CCDC39: variants seen among roughly 807,000 people sequenced by gnomAD.
CCDC39 encodes the protein coiled-coil domain-containing protein 39.
Under a neutral mutation model 121.0 loss-of-function variants are expected in CCDC39, and 113 were observed. The observed-to-expected ratio is 0.93, with a 90% confidence interval of 0.80 to 1.09. The LOEUF (loss-of-function observed/expected upper bound fraction) is 1.09, where lower values mean the gene tolerates loss of function less well. Ranked by LOEUF, CCDC39 falls within the 50% of genes least tolerant of loss-of-function variation. The probability of loss-of-function intolerance (pLI) is 0.00; values close to 1 mark genes in which losing one functional copy is unlikely to be tolerated. For missense variants in CCDC39, 1,063 were observed against 1,074.7 expected, an observed-to-expected ratio of 0.99 and a Z score of 0.15; for synonymous variants, 349 against 352.2, an observed-to-expected ratio of 0.99 and a Z score of 0.10.
intron 1 of CCDC39, among the ~76,000 whole-genome samples, chr3:180,670,316 T>C (rs1385040000): frequency 1.3e-5 from 2 of 151,400 alleles, no homozygotes; most frequent in Non-Finnish European, 3.0e-5. Context: ...GGAAGGGGTG[T>C]GTGTGTGTGT....
Position 180,668,524 on chromosome 3 carries a change from T to C in CCDC39, c.91-4538A>G, listed in dbSNP as rs1711949608. Among the ~76,000 whole-genome samples the C allele has an allele frequency of 2.0e-5, 3 of 152,310 alleles. No individual in the cohort carries two copies. In the South Asian group the frequency reaches 6.2e-4, roughly 32 times the overall value. The stretch of plus-strand genomic sequence containing the variant: ...GGCCTCATATTATTCAGTTTGTATA[T>C]AAAATTAGAGAGGCCGTCCCTGCCC... On this transcript the variant is annotated intron_variant, in intron 1 of 19. Transcript: ENST00000476379.
In CCDC39 at chr3:180,659,789, AGATACTT is replaced by A. The variant is rs1171299417; in HGVS notation, c.517-27_517-21del. The A allele has an allele frequency of 3.4e-6, 5 of 1,481,234 alleles. No individual in the cohort carries two copies. The highest frequency in any genetic ancestry group is 4.7e-6 in the Non-Finnish European group (5 of 1,071,142). The allele number at this position is 1,481,234 out of a possible 1,614,324, so 91.8% of individuals were successfully genotyped here. On this transcript the variant is annotated intron_variant, in intron 4 of 19. Transcript: ENST00000476379. ...CAGTGCCTATGATGTAATTATATAC[AGATACTT>A]ATAATTCTCATTCTATTAATTTAAA...
intron 16 of CCDC39, 108 bp from the exon 17 acceptor site, chr3:180,617,074 A>G: frequency 1.5e-6 from 1 of 652,808 alleles, no homozygotes; most frequent in Non-Finnish European, 2.5e-6. Flanking sequence ...TTTGTACATA[A>G]TATACATTAT....
intron 13 of CCDC39, 100 bp downstream of exon 13, chr3:180,641,893 G>T: frequency 1.3e-6 from 1 of 776,138 alleles, no homozygotes; most frequent in South Asian, 2.4e-5. Flanking sequence ...TTTCGAATGA[G>T]TAAAAACGAT....
At chr3:180,640,698 GA>G (rs1176971144) in intron 13 of CCDC39, among the ~76,000 whole-genome samples, 2 of 151,854 alleles carry the variant, frequency 1.3e-5, no homozygotes, top group Non-Finnish European at 2.9e-5. Context: ...ATTTTTCCTA[GA>G]GAAAAATAGA....
chr3:180,625,045 C>T (rs960976858), intron 14 of CCDC39, among the ~76,000 whole-genome samples: 1 of 151,952 alleles, frequency 6.6e-6, no homozygotes, highest in South Asian at 2.1e-4. Context: ...ATTGCTGGGC[C>T]TCTTGTGTCT....
At chr3:180,640,099 A>G (rs1717920526) in intron 13 of CCDC39, among the ~76,000 whole-genome samples, 1 of 152,096 alleles carries the variant, frequency 6.6e-6, no homozygotes, top group African/African-American at 2.4e-5. Flanking sequence ...ACAATGGGGT[A>G]CAAAGAAACT....
intron 7 of CCDC39, 114 bp downstream of exon 7, chr3:180,654,648 A>G: frequency 2.9e-6 from 2 of 678,064 alleles, no homozygotes; most frequent in Non-Finnish European, 4.3e-6. Context: ...GAAAAAGGAA[A>G]AAAAAAAAAA....
chr3:180,618,232 T>C (rs1717322300), intron 16 of CCDC39, among the ~76,000 whole-genome samples: 1 of 152,164 alleles, frequency 6.6e-6, no homozygotes, highest in African/African-American at 2.4e-5. Context: ...ATCCAATGCA[T>C]GACTGTATAA....
chr3:180,674,135 G>A (rs1487167384), intron 1 of CCDC39, among the ~76,000 whole-genome samples: 1 of 152,042 alleles, frequency 6.6e-6, no homozygotes, highest in African/African-American at 2.4e-5. Context: ...CCATTTGTTT[G>A]TGTCCTCTTT....
chr3:180,637,586 C>T (rs1455445832), intron 13 of CCDC39, among the ~76,000 whole-genome samples: 1 of 151,976 alleles, frequency 6.6e-6, no homozygotes, highest in African/African-American at 2.4e-5. Flanking sequence ...GGGTATATAC[C>T]CAAAGGAATA....
intron 14 of CCDC39, among the ~76,000 whole-genome samples, chr3:180,623,470 T>C (rs767594343): frequency 1.6e-4 from 25 of 152,224 alleles, no homozygotes; most frequent in Non-Finnish European, 2.8e-4. Flanking sequence ...TGATCTGTTA[T>C]TGCTTTTGTT....
At chr3:180,636,850 A>C (rs1347839994) in intron 13 of CCDC39, among the ~76,000 whole-genome samples, 3 of 152,204 alleles carry the variant, frequency 2.0e-5, no homozygotes, top group African/African-American at 4.8e-5. Context: ...TATTCAATAC[A>C]TGGTGCTGGG....
chr3:180,644,205 T>A lies in CCDC39; in HGVS notation c.1580A>T (p.Gln527Leu), dbSNP rs1718021452. The A allele has an allele frequency of 1.3e-6, 2 of 1,543,566 alleles. No homozygotes were observed. The highest frequency in any genetic ancestry group is 1.7e-6 in the Non-Finnish European group (2 of 1,142,884). Residue 527 changes from glutamine (Q) to leucine (L), a missense_variant, in exon 12 of 20, where the codon CAG becomes CTG. Gln to Leu is a moderately radical substitution (Grantham distance 113, BLOSUM62 -2). Coordinates refer to ENST00000476379, the MANE Select transcript of CCDC39 (RefSeq NM_181426.2). The stretch of plus-strand genomic sequence containing the variant: ...TTCATTTATTTTGGTCATAAGGGAC[T>A]GTTTTTCATCACTGTTTTTACTATG... Reference protein sequence around the residue: ...KAHSKNSDEKQSLMTKINELN... With the variant: ...KAHSKNSDEKLSLMTKINELN...
chr3:180,651,897 C>A (rs1031342059), intron 8 of CCDC39, among the ~76,000 whole-genome samples: 1 of 152,036 alleles, frequency 6.6e-6, no homozygotes, highest in Admixed American at 6.6e-5. Flanking sequence ...ATTAGCTGGG[C>A]CTGCTGGCGG....
intron 3 of CCDC39, 68 bp downstream of exon 3, chr3:180,661,793 T>A (rs1284442333): frequency 2.9e-6 from 4 of 1,392,928 alleles, no homozygotes; most frequent in Non-Finnish European, 3.9e-6. Context: ...AAAAAAAAAG[T>A]CAATGCTCAT....
At chr3:180,617,353 A>G in intron 16 of CCDC39, 1 of 548,322 alleles carries the variant, frequency 1.8e-6, no homozygotes, top group Non-Finnish European at 3.2e-6. Context: ...TGTATTTACT[A>G]TACAATATAC....
intron 10 of CCDC39, among the ~76,000 whole-genome samples, chr3:180,647,593 A>G (rs140517569): frequency 2.6e-5 from 4 of 152,174 alleles, no homozygotes; most frequent in African/African-American, 9.7e-5. Context: ...CAAAACAGGT[A>G]GTCACTAATT....
At chr3:180,671,557 T>A (rs1712048888) in intron 1 of CCDC39, among the ~76,000 whole-genome samples, 1 of 152,206 alleles carries the variant, frequency 6.6e-6, no homozygotes, top group South Asian at 2.1e-4. Context: ...CTTCCCTGCA[T>A]CAAAAGATTT....
Sources: allele counts gnomAD v4.1 joint callset (sites outside exome capture counted in the v4.1 genomes callset), GRCh38; gene constraint gnomAD v4.1.1; transcripts MANE v1.5; gene names NCBI Gene and HGNC (gene_info 2026-07-23, HGNC 2026-07-21).